Variants in RASA2 observed in about 807,000 individuals in gnomAD.
The protein encoded by RASA2 is RAS p21 protein activator 2.
A neutral mutation model predicts 118.2 loss-of-function variants in RASA2; 155 were observed. The ratio of observed to expected loss-of-function variants is 1.31; its 90% CI spans 1.15 to 1.50. RASA2 has a LOEUF of 1.50. Ranked by LOEUF, RASA2 falls within the 40% of genes most tolerant of loss-of-function variation. The pLI is 0.00. For synonymous variants in RASA2, 353 were observed against 349.1 expected, an observed-to-expected ratio of 1.01 and a Z score of -0.12; for missense variants, 1,016 against 1,009.6, an observed-to-expected ratio of 1.01 and a Z score of -0.09.
At chr3:141,578,729 T>C (rs950403936) in intron 15 of RASA2, 1 of 152,184 alleles carries the variant, frequency 6.6e-6, no homozygotes, top group Admixed American at 6.5e-5. Context: ...ATTCTGGACA[T>C]AAACAGAACA....
chr3:141,568,793 A>C (rs530901585), intron 9 of RASA2, among the ~76,000 whole-genome samples: 1 of 152,188 alleles, frequency 6.6e-6, no homozygotes, highest in African/African-American at 2.4e-5. Context: ...AAATTTGTAA[A>C]TTTAATTTGG....
At position 141,608,543 on chromosome 3, in the gene RASA2, G is replaced by A. The variant is rs1412779832; in HGVS notation, c.2071G>A (p.Val691Ile). 1 of 1,613,996 alleles carries A rather than the reference G, an allele frequency of 6.2e-7. No individual in the cohort carries two copies. The highest frequency in any genetic ancestry group is 8.5e-7 in the Non-Finnish European group (1 of 1,179,914). The change falls in exon 21 of 24, where the codon GTA becomes ATA. Residue 691 changes from valine to isoleucine, a missense_variant. Coordinates refer to ENST00000286364, the MANE Select transcript of RASA2 (RefSeq NM_006506.5). ...KPLYVQANNCVEANEWIDVLC... is the reference protein window; with the variant it reads ...KPLYVQANNCIEANEWIDVLC... ...ACTCTATGTCCAGGCAAATAACTGT[G>A]TAGAAGCTAATGAATGGATAGACGT...
intron 1 of RASA2, among the ~76,000 whole-genome samples, chr3:141,508,122 A>G (rs985071721): frequency 6.6e-6 from 1 of 152,108 alleles, no homozygotes; most frequent in Non-Finnish European, 1.5e-5. Flanking sequence ...TATAATGACT[A>G]CATTAAAAAA....
chr3:141,595,668 T>C (rs2083354925), intron 19 of RASA2, among the ~76,000 whole-genome samples: 1 of 152,104 alleles, frequency 6.6e-6, no homozygotes, highest in Non-Finnish European at 1.5e-5. Context: ...AGGGTCTTGC[T>C]CTGTCTCCCA....
At chr3:141,582,863 A>G (rs1385971433) in intron 17 of RASA2, among the ~76,000 whole-genome samples, 1 of 152,238 alleles carries the variant, frequency 6.6e-6, no homozygotes, top group Non-Finnish European at 1.5e-5. Context: ...TAACTGAATC[A>G]TATGCTATTC....
intron 4 of RASA2, among the ~76,000 whole-genome samples, chr3:141,531,466 A>G (rs373887960): frequency 6.6e-6 from 1 of 151,458 alleles, no homozygotes; most frequent in Non-Finnish European, 1.5e-5. Context: ...ATATGTGTGT[A>G]TATATATGCA....
chr3:141,574,070 A>G lies in RASA2; in HGVS notation c.1483+3A>G. 6.8e-7 allele frequency: 1 copy of G among 1,465,618 alleles called. No individual in the cohort carries two copies. The highest frequency in any genetic ancestry group is 9.1e-7 in the Non-Finnish European group (1 of 1,099,066). The allele number at this position is 1,465,618 out of a possible 1,614,324, so 90.8% of individuals were successfully genotyped here. On this transcript the variant is annotated splice_donor_region_variant and intron_variant, in intron 14 of 23. Coordinates refer to ENST00000286364, the MANE Select transcript of RASA2 (RefSeq NM_006506.5). ...GATGGCTACTCAGAGATTTCCTAGT[A>G]AGTGCCTTGTTTTACTAAAACATGC...
chr3:141,498,546 G>T (rs2081734815), intron 1 of RASA2, among the ~76,000 whole-genome samples: 1 of 152,080 alleles, frequency 6.6e-6, no homozygotes, highest in South Asian at 2.1e-4. Flanking sequence ...CTTTTGAGTG[G>T]TTCTTGGATA....
At chr3:141,497,813 G>A (rs537438584) in intron 1 of RASA2, among the ~76,000 whole-genome samples, 1 of 151,660 alleles carries the variant, frequency 6.6e-6, no homozygotes, top group South Asian at 2.1e-4. Context: ...TTGAGGCTGC[G>A]GTGAGCTGAG....
At chr3:141,603,001 T>C (rs543804207) in intron 19 of RASA2, among the ~76,000 whole-genome samples, 1 of 152,286 alleles carries the variant, frequency 6.6e-6, no homozygotes, top group Admixed American at 6.5e-5. Context: ...AAAACTTGTA[T>C]TTTCATTGCC....
chr3:141,553,967 T>A, intron 6 of RASA2, 27 bp downstream of exon 6: 1 of 1,574,352 alleles, frequency 6.4e-7, no homozygotes, highest in South Asian at 1.2e-5. Flanking sequence ...TATTATTAGG[T>A]TTTAAAGTTT....
chr3:141,591,304 C>A (rs547442802), intron 19 of RASA2, among the ~76,000 whole-genome samples: 36 of 152,238 alleles, frequency 2.4e-4, no homozygotes, highest in African/African-American at 8.4e-4. Context: ...TTCTCCTTTA[C>A]CTGTGTAATC....
intron 5 of RASA2, among the ~76,000 whole-genome samples, chr3:141,550,303 A>G (rs985139103): frequency 1.3e-5 from 2 of 152,230 alleles, no homozygotes; most frequent in Admixed American, 6.5e-5. Flanking sequence ...CATAACCTCA[A>G]CCTAATCATG....
At position 141,581,135 on chromosome 3, in the gene RASA2, C is replaced by T. The variant is rs1577781970; in HGVS notation, c.1710C>T (p.Phe570=). 6.5e-7 allele frequency: 1 copy of T among 1,536,324 alleles called. No homozygotes were observed. The stretch of plus-strand genomic sequence containing the variant: ...AAGAGACATTCATGTGTGAATTTTT[C>T]AAAATGTTTCAAGAAGAAGGATATA... ...SFKETFMCEF[F]KMFQEEGYII... is the part of the protein sequence containing the mutation. The change falls in exon 17 of 24, where the codon TTC becomes TTT. Residue 570 remains phenylalanine (F), a synonymous_variant. Transcript: ENST00000286364.
At chr3:141,565,621 G>T (rs1029876795) in intron 9 of RASA2, among the ~76,000 whole-genome samples, 1 of 152,150 alleles carries the variant, frequency 6.6e-6, no homozygotes, top group African/African-American at 2.4e-5. Context: ...CTTGCCTGCC[G>T]CATGTAAGAC....
At chr3:141,536,345 GC>G (rs773695362) in intron 4 of RASA2, among the ~76,000 whole-genome samples, 2 of 152,040 alleles carry the variant, frequency 1.3e-5, no homozygotes, top group Non-Finnish European at 2.9e-5. Context: ...GGAAAGACTG[GC>G]CCCCATGATT....
chr3:141,538,085 C>T (rs908888597), intron 4 of RASA2, among the ~76,000 whole-genome samples: 1 of 141,996 alleles, frequency 7.0e-6, no homozygotes, highest in Non-Finnish European at 1.5e-5. Context: ...TCATAACTGC[C>T]CCATCAAAAA....
At chr3:141,522,211 G>A (rs955332066) in intron 3 of RASA2, among the ~76,000 whole-genome samples, 18 of 152,026 alleles carry the variant, frequency 1.2e-4, no homozygotes, top group African/African-American at 4.1e-4. Context: ...CACAGATTGT[G>A]CTGTTTTTCA....
intron 3 of RASA2, among the ~76,000 whole-genome samples, chr3:141,517,000 C>T (rs900449326): frequency 6.6e-6 from 1 of 151,798 alleles, no homozygotes; most frequent in African/African-American, 2.4e-5. Flanking sequence ...TCTTAAACTC[C>T]TGCAGGAAAT....
Sources: allele counts gnomAD v4.1 joint callset (sites outside exome capture counted in the v4.1 genomes callset), GRCh38; gene constraint gnomAD v4.1.1; transcripts MANE v1.5; gene names NCBI Gene and HGNC (gene_info 2026-07-23, HGNC 2026-07-21).